COL21A1: variants seen among roughly 807,000 people sequenced by gnomAD.
The protein encoded by COL21A1 is collagen alpha-1(XXI) chain.
Under a neutral mutation model 137.9 loss-of-function variants are expected in COL21A1, and 149 were observed. The ratio of observed to expected loss-of-function variants is 1.08; its 90% CI spans 0.95 to 1.24. The LOEUF is 1.24. Ranked by LOEUF, COL21A1 falls within the 50% of genes most tolerant of loss-of-function variation. The pLI is 0.00. For missense variants in COL21A1, 1,167 were observed against 1,158.4 expected (o/e 1.01, Z -0.11); for synonymous variants, 456 against 391.5 (o/e 1.16, Z -1.95).
At chr6:56,182,723 C>T (rs1561958169) in intron 1 of COL21A1, 67 bp from the exon 2 acceptor site, 4 of 692,442 alleles carry the variant, frequency 5.8e-6, no homozygotes, top group Non-Finnish European at 2.5e-6. Flanking sequence ...TATACATTTA[C>T]ATTTTGAAAC....
intron 1 of COL21A1, chr6:56,276,491 G>A: frequency 2.3e-6 from 2 of 861,636 alleles, no homozygotes; most frequent in Non-Finnish European, 3.6e-6. Context: ...GAGAGAGGGG[G>A]AACAACTTAA....
intron 17 of COL21A1, among the ~76,000 whole-genome samples, chr6:56,094,036 T>C (rs1322048235): frequency 1.3e-5 from 2 of 152,186 alleles, no homozygotes; most frequent in Non-Finnish European, 2.9e-5. Flanking sequence ...TTAACATCTT[T>C]TGTAATCTAT....
intron 1 of COL21A1, among the ~76,000 whole-genome samples, chr6:56,259,328 A>T (rs1006990547): frequency 1.3e-5 from 2 of 152,030 alleles, no homozygotes; most frequent in African/African-American, 4.8e-5. Flanking sequence ...CACTCCCTCC[A>T]TCTCCATTTG....
intron 1 of COL21A1, among the ~76,000 whole-genome samples, chr6:56,260,571 CAA>C (rs373250875): frequency 2.5e-4 from 21 of 82,560 alleles, no homozygotes; most frequent in Admixed American, 7.7e-4. Flanking sequence ...AAGACTCTAT[CAA>C]AAAAAAAAAA....
At chr6:56,096,594 T>C (rs546749630) in intron 17 of COL21A1, among the ~76,000 whole-genome samples, 1 of 152,336 alleles carries the variant, frequency 6.6e-6, no homozygotes, top group African/African-American at 2.4e-5. Flanking sequence ...TGTACTTGTA[T>C]TTTGAAGCAA....
chr6:56,299,727 T>C (rs2152337089), intron 1 of COL21A1, among the ~76,000 whole-genome samples: 1 of 152,212 alleles, frequency 6.6e-6, no homozygotes, highest in African/African-American at 2.4e-5. Context: ...CCCTAATTAT[T>C]ATTCTGAGAA....
rs757920108 is a variant in COL21A1 at position 56,171,043 on chromosome 6, C to T, written c.726G>A (p.Lys242=). ...GTGAAAGCTGTATTCTTTTCTTAAC[C>T]TTTTTATTTACATCTAAACCTAAAA... ...DILLGLDVNK[K]VKKRIQLSPK... Residue 242 remains lysine, a synonymous_variant, in exon 4 of 30, where the codon AAG becomes AAA. Transcript: ENST00000244728. The T allele has an allele frequency of 6.2e-7, 1 of 1,606,776 alleles. No homozygotes were observed. The highest frequency in any genetic ancestry group is 8.5e-7 in the Non-Finnish European group (1 of 1,177,308).
Position 56,325,176 on chromosome 6 carries a change from C to T in COL21A1, c.-39+68795G>A, listed in dbSNP as rs1344570162. Among the ~76,000 whole-genome samples, 8 of 141,492 alleles carry T rather than the reference C, an allele frequency of 5.7e-5. No homozygotes were observed. The East Asian group carries it at 1.7e-3, about 29-fold the overall frequency. The allele number at this position is 141,492 out of a possible 152,430, so 92.8% of individuals were successfully genotyped here. A position where few individuals can be genotyped will look rare whatever the true frequency, so the allele number is the denominator to read the frequency against. ...AAAATTTATCAAATAAATTTGCATGCTTTTCTCTTGTTAGTCTGTCTTTTG... is the reference window on the plus strand; with the variant it reads ...AAAATTTATCAAATAAATTTGCATGTTTTTCTCTTGTTAGTCTGTCTTTTG... On this transcript the variant is annotated intron_variant, in intron 1 of 28. Coordinates refer to the COL21A1 transcript ENST00000370819.
intron 17 of COL21A1, among the ~76,000 whole-genome samples, chr6:56,084,230 A>ATAT (rs201692542): frequency 3.3e-5 from 5 of 151,234 alleles, no homozygotes; most frequent in South Asian, 2.1e-4. Flanking sequence ...ATATATATAT[A>ATAT]AAAAACATTA....
intron 1 of COL21A1, among the ~76,000 whole-genome samples, chr6:56,200,625 A>T (rs2152297510): frequency 6.6e-6 from 1 of 151,948 alleles, no homozygotes; most frequent in Admixed American, 6.6e-5. Context: ...CCTACAAAGG[A>T]CATGAACTCA....
At chr6:56,097,036 C>T (rs970489006) in intron 17 of COL21A1, among the ~76,000 whole-genome samples, 10 of 151,988 alleles carry the variant, frequency 6.6e-5, no homozygotes, top group East Asian at 3.9e-4. Flanking sequence ...TAGCTTGTTA[C>T]GCTATCTGTT....
chr6:56,341,905 T>C, intron 1 of COL21A1, among the ~76,000 whole-genome samples: 1 of 152,176 alleles, frequency 6.6e-6, no homozygotes, highest in East Asian at 1.9e-4. Context: ...AAAGTCTATG[T>C]TTTTAAATCT....
At chr6:56,386,044 C>CTGTT (rs2094017420) in intron 1 of COL21A1, among the ~76,000 whole-genome samples, 1 of 152,128 alleles carries the variant, frequency 6.6e-6, no homozygotes, top group Non-Finnish European at 1.5e-5. Context: ...AAACAGGAAG[C>CTGTT]TGTTTTACAT....
At chr6:56,178,682 T>C (rs1160379051) in intron 3 of COL21A1, among the ~76,000 whole-genome samples, 1 of 152,076 alleles carries the variant, frequency 6.6e-6, no homozygotes, top group Non-Finnish European at 1.5e-5. Context: ...TAAAATAATC[T>C]GAATATTAGC....
intron 1 of COL21A1, among the ~76,000 whole-genome samples, chr6:56,374,294 T>C (rs2093995373): frequency 6.6e-6 from 1 of 152,132 alleles, no homozygotes; most frequent in African/African-American, 2.4e-5. Context: ...TTACATAGAA[T>C]TTTTTTCCTA....
chr6:56,357,275 A>G (rs779339727), intron 1 of COL21A1, among the ~76,000 whole-genome samples: 1 of 152,226 alleles, frequency 6.6e-6, no homozygotes, highest in Non-Finnish European at 1.5e-5. Context: ...ACTGATTCAA[A>G]AAATTATGTC....
intron 12 of COL21A1, among the ~76,000 whole-genome samples, chr6:56,135,871 T>C (rs897283138): frequency 1.3e-5 from 2 of 152,186 alleles, no homozygotes; most frequent in Non-Finnish European, 2.9e-5. Flanking sequence ...GCACTTAACA[T>C]TGACTATCTT....
intron 1 of COL21A1, among the ~76,000 whole-genome samples, chr6:56,246,223 A>G (rs573893011): frequency 6.6e-6 from 1 of 152,316 alleles, no homozygotes; most frequent in South Asian, 2.1e-4. Flanking sequence ...AAGACAAAAT[A>G]CGCATATGAA....
intron 25 of COL21A1, among the ~76,000 whole-genome samples, 180 bp downstream of exon 25, chr6:56,061,469 T>C (rs765262390): frequency 3.3e-5 from 5 of 152,140 alleles, no homozygotes; most frequent in African/African-American, 4.8e-5. Flanking sequence ...ACATTTCATA[T>C]CAAATTCAGT....
Sources: gnomAD v4.1 joint callset for allele counts (sites outside exome capture counted in the v4.1 genomes callset) on GRCh38, gnomAD v4.1.1 for gene constraint, MANE v1.5 for transcripts, NCBI Gene and HGNC (gene_info 2026-07-23, HGNC 2026-07-21) for gene names.